Variants in ENPP3 observed in about 807,000 individuals in gnomAD.
The protein encoded by ENPP3 is ectonucleotide pyrophosphatase/phosphodiesterase 3.
ENPP3 carries 104 observed loss-of-function variants against 117.8 expected under a neutral mutation model. That is an observed-to-expected ratio of 0.88 (90% CI 0.75 to 1.04). The LOEUF is 1.04. Among genes scored for constraint, ENPP3 ranks in the 50% least tolerant of loss-of-function variants. The pLI is 0.00. For missense variants in ENPP3, 1,026 were observed against 1,051.9 expected (o/e 0.98, Z 0.34); for synonymous variants, 380 against 349.9 (o/e 1.09, Z -0.96).
At chr6:131,719,884 A>T (rs1431835592) in intron 16 of ENPP3, among the ~76,000 whole-genome samples, 1 of 152,208 alleles carries the variant, frequency 6.6e-6, no homozygotes, top group Non-Finnish European at 1.5e-5. Context: ...ATTTTGTGTC[A>T]TGTTAACATA....
chr6:131,645,649 T>C (rs1229278284), intron 2 of ENPP3, among the ~76,000 whole-genome samples: 3 of 152,240 alleles, frequency 2.0e-5, no homozygotes, highest in African/African-American at 7.2e-5. Flanking sequence ...CATTCTAACC[T>C]AACACTTGAC....
In ENPP3 at chr6:131,739,994, T is replaced by A. The variant is rs1319325546; in HGVS notation, c.2301-230T>A. Among the ~76,000 whole-genome samples, 7 of 151,952 alleles carry A rather than the reference T, an allele frequency of 4.6e-5. No homozygotes were observed. In the South Asian group the frequency reaches 1.0e-3, roughly 23 times the overall value. ...TACATAGTGTTTTTCATATATATAT[T>A]TACATATTTATACCAGCTTGTATTC... On this transcript the variant is annotated intron_variant, in intron 23 of 24. Coordinates refer to ENST00000357639, the MANE Select transcript of ENPP3 (RefSeq NM_005021.5).
intron 18 of ENPP3, among the ~76,000 whole-genome samples, chr6:131,722,664 C>G (rs1344920380): frequency 6.6e-6 from 1 of 152,166 alleles, no homozygotes; most frequent in African/African-American, 2.4e-5. Context: ...AACTAACTGT[C>G]CTTCACCATT....
intron 15 of ENPP3, among the ~76,000 whole-genome samples, chr6:131,695,881 A>C (rs1000227180): frequency 6.6e-6 from 1 of 152,042 alleles, no homozygotes; most frequent in African/African-American, 2.4e-5. Flanking sequence ...GCACCACTGC[A>C]CTCCAGCCTG....
intron 15 of ENPP3, among the ~76,000 whole-genome samples, chr6:131,694,291 C>T (rs1039720895): frequency 3.3e-5 from 5 of 152,178 alleles, no homozygotes; most frequent in East Asian, 3.9e-4. Flanking sequence ...ATGCACCAGG[C>T]CCTGTTCTAG....
At chr6:131,678,805 G>A (rs948032771) in intron 11 of ENPP3, among the ~76,000 whole-genome samples, 1 of 152,136 alleles carries the variant, frequency 6.6e-6, no homozygotes. Context: ...TTCCTGCACA[G>A]CGCTAGACTG....
intron 24 of ENPP3, among the ~76,000 whole-genome samples, chr6:131,741,045 CACAA>C (rs1290551643): frequency 6.6e-6 from 1 of 152,134 alleles, no homozygotes; most frequent in African/African-American, 2.4e-5. Flanking sequence ...CACACACACA[CACAA>C]ACACACACAC....
intron 15 of ENPP3, among the ~76,000 whole-genome samples, chr6:131,697,199 A>C (rs1779426938): frequency 6.6e-6 from 1 of 152,220 alleles, no homozygotes; most frequent in Non-Finnish European, 1.5e-5. Flanking sequence ...GAGTGTATGA[A>C]GCCATCATGT....
intron 22 of ENPP3, 86 bp downstream of exon 22, chr6:131,737,518 A>C: frequency 1.3e-6 from 1 of 775,958 alleles, no homozygotes; most frequent in Non-Finnish European, 2.2e-6. Flanking sequence ...TTTAATTGCA[A>C]TTTGTTCCTG....
intron 1 of ENPP3, among the ~76,000 whole-genome samples, chr6:131,637,897 A>G (rs1256375068): frequency 6.6e-6 from 1 of 151,682 alleles, no homozygotes; most frequent in Non-Finnish European, 1.5e-5. Flanking sequence ...CTCTCTTGTC[A>G]TTTCATGTGG....
At chr6:131,737,607 T>C (rs1780426755) in intron 22 of ENPP3, among the ~76,000 whole-genome samples, 175 bp downstream of exon 22, 1 of 152,196 alleles carries the variant, frequency 6.6e-6, no homozygotes, top group South Asian at 2.1e-4. Flanking sequence ...TTCAACTTAC[T>C]TTGACTTTGA....
intron 23 of ENPP3, among the ~76,000 whole-genome samples, chr6:131,739,031 G>T (rs1202247339): frequency 6.6e-6 from 1 of 152,024 alleles, no homozygotes; most frequent in Non-Finnish European, 1.5e-5. Context: ...TATATGCTAG[G>T]TACTTTATAA....
At chr6:131,649,889 C>G in intron 2 of ENPP3, 138 bp from the exon 3 acceptor site, 1 of 858,152 alleles carries the variant, frequency 1.2e-6, no homozygotes. Flanking sequence ...ATTGTATTGG[C>G]AGATCCTGCA....
intron 20 of ENPP3, among the ~76,000 whole-genome samples, chr6:131,731,411 G>A (rs1780277067): frequency 6.6e-6 from 1 of 152,138 alleles, no homozygotes; most frequent in African/African-American, 2.4e-5. Flanking sequence ...CCAAAGAGAG[G>A]ATACTTCTAA....
chr6:131,645,561 TGAA>T (rs1351287766), intron 2 of ENPP3, among the ~76,000 whole-genome samples: 2 of 152,356 alleles, frequency 1.3e-5, no homozygotes, highest in East Asian at 3.9e-4. Flanking sequence ...CTCATTTTGT[TGAA>T]GAACAACTTG....
At chr6:131,740,879 C>T (rs898545814) in intron 24 of ENPP3, among the ~76,000 whole-genome samples, 2 of 152,136 alleles carry the variant, frequency 1.3e-5, no homozygotes, top group Non-Finnish European at 2.9e-5. Flanking sequence ...TAACTGCAGC[C>T]ACTCTACTGT....
intron 19 of ENPP3, among the ~76,000 whole-genome samples, chr6:131,725,426 T>C (rs1209332947): frequency 6.6e-6 from 1 of 152,070 alleles, no homozygotes; most frequent in Non-Finnish European, 1.5e-5. Flanking sequence ...TCTGAGCTCG[T>C]ATAGTGGAAG....
rs144514461 is a variant in ENPP3 at position 131,685,418 on chromosome 6, G to A, written c.1175G>A (p.Arg392Lys). ...KMEYMTDYFPRINFFYMYEGP... is the reference protein window; with the variant it reads ...KMEYMTDYFPKINFFYMYEGP... ...GAATACATGACTGATTATTTTCCCA[G>A]AATAAACTTCTTCTACATGTACGAA... Residue 392 changes from arginine to lysine, a missense_variant, in exon 13 of 25, where the codon AGA becomes AAA. Transcript: ENST00000357639. 222 of 1,613,158 alleles carry A rather than the reference G, an allele frequency of 1.4e-4. No individual in the cohort carries two copies. The highest frequency in any genetic ancestry group is 9.9e-4 in the Middle Eastern group (6 of 6,054).
At position 131,690,842 on chromosome 6, in the gene ENPP3, T is replaced by G. The variant is rs1179229768; in HGVS notation, c.1285-2655T>G. On this transcript the variant is annotated intron_variant, in intron 14 of 24. Transcript: ENST00000357639. Reference sequence around the variant, plus strand: ...GGACATTCTTGCCCACCCCTTCTGGTGAAGTGTATACTTGCAATGTGTTCA... The same window carrying G: ...GGACATTCTTGCCCACCCCTTCTGGGGAAGTGTATACTTGCAATGTGTTCA... Among the ~76,000 whole-genome samples, 4 of 152,010 alleles carry G rather than the reference T, an allele frequency of 2.6e-5. No homozygotes were observed. The East Asian group carries it at 5.8e-4, about 22-fold the overall frequency.
Sources: allele counts gnomAD v4.1 joint callset (sites outside exome capture counted in the v4.1 genomes callset), GRCh38; gene constraint gnomAD v4.1.1; transcripts MANE v1.5; gene names NCBI Gene and HGNC (gene_info 2026-07-23, HGNC 2026-07-21).